Variants in TCF20 observed in about 807,000 individuals in gnomAD.
TCF20 encodes the protein SPRE-binding protein.
Under a neutral mutation model 148.6 loss-of-function variants are expected in TCF20, and 3 were observed. The observed-to-expected ratio is 0.02, with a 90% CI of 0.01 to 0.05. The LOEUF (loss-of-function observed/expected upper bound fraction) is 0.05. Among genes scored for constraint, TCF20 ranks in the 10% least tolerant of loss-of-function variants. The pLI is 1.00. For missense variants in TCF20, 2,350 were observed against 2,429.3 expected, an observed-to-expected ratio of 0.97 and a Z score of 0.69; for synonymous variants, 1,049 against 909.5, an observed-to-expected ratio of 1.15 and a Z score of -2.76.
rs1438118510 is a variant in TCF20, at chr22:42,160,109, C to G, written c.*1294G>C. 6.6e-6 allele frequency: 1 copy of G among 151,666 alleles called. No homozygotes were observed. Among genetic ancestry groups the G allele is most frequent in the East Asian group, 1.9e-4 (1 of 5,170 alleles). The allele number at this position is 151,666 out of a possible 1,614,324, so 9.4% of individuals were successfully genotyped here. On this transcript the variant is annotated 3_prime_UTR_variant, in exon 6 of 6. Transcript: ENST00000677622. The stretch of plus-strand genomic sequence containing the variant: ...CTGTTTGTGAAACAGCTATTTTATC[C>G]CCATGGCAGAGTGACCCCTGAAAGA...
rs774351728 is a variant in TCF20, at chr22:42,209,675, T to C, written c.5631A>G (p.Glu1877=). The change falls in exon 2 of 6, where the codon GAA becomes GAG. Residue 1877 remains glutamate (E), a synonymous_variant. Transcript: ENST00000677622. ...LVCGRLYGLQ[E]ALEIAREMKC... is the part of the protein sequence containing the mutation. ...CCATCTCTCTGGCTATTTCCAGCGC[T>C]TCCTGCAGGCCATAGAGCCTGCCAC... 31 of 1,611,242 alleles carry C rather than the reference T, an allele frequency of 1.9e-5. No individual in the cohort carries two copies. Among genetic ancestry groups the C allele is most frequent in the Non-Finnish European group, 2.5e-5 (30 of 1,178,820 alleles).
intron 1 of TCF20, among the ~76,000 whole-genome samples, chr22:42,298,408 C>T (rs1927273355): frequency 6.6e-6 from 1 of 152,188 alleles, no homozygotes; most frequent in Admixed American, 6.5e-5. Flanking sequence ...AGAAGTTATT[C>T]TAGGGAGACA....
chr22:42,214,760 C>G lies in TCF20; in HGVS notation c.546G>C (p.Gln182His), dbSNP rs1921520122. 6.2e-7 allele frequency: 1 copy of G among 1,613,824 alleles called. No individual in the cohort carries two copies. Among genetic ancestry groups the G allele is most frequent in the African/African-American group, 1.3e-5 (1 of 74,856 alleles). Residue 182 changes from glutamine to histidine, a missense_variant, in exon 2 of 6, where the codon CAG becomes CAC. Gln to His is a conservative substitution (Grantham distance 24). Coordinates refer to ENST00000677622, the MANE Select transcript of TCF20 (RefSeq NM_001378418.1). Reference sequence around the variant, plus strand: ...GGGACTGGTAAAGCTGTTGTCTCAACTGCTGGACTTGCTGCTGCTGCTGCT... The same window carrying G: ...GGGACTGGTAAAGCTGTTGTCTCAAGTGCTGGACTTGCTGCTGCTGCTGCT... ...SSQQQQQQVQ[Q>H]LRQQLYQSHQ...
chr22:42,224,788 C>T (rs945230709), intron 1 of TCF20, among the ~76,000 whole-genome samples: 2 of 151,954 alleles, frequency 1.3e-5, no homozygotes, highest in African/African-American at 2.4e-5. Flanking sequence ...TAGAAAATTA[C>T]ATAGTATCAG....
At chr22:42,277,074 T>A (rs1325492875) in intron 1 of TCF20, 1 of 152,220 alleles carries the variant, frequency 6.6e-6, no homozygotes, top group Admixed American at 6.5e-5. Context: ...CTCCAAACCT[T>A]CTCTCCCAGG....
chr22:42,283,350 C>T (rs1056980603), intron 1 of TCF20, among the ~76,000 whole-genome samples: 7 of 152,236 alleles, frequency 4.6e-5, no homozygotes, highest in Non-Finnish European at 4.4e-5. Flanking sequence ...CCCTCACACC[C>T]GGGCTGGCTG....
chr22:42,304,186 A>G (rs1601700010), intron 1 of TCF20, among the ~76,000 whole-genome samples: 1 of 151,936 alleles, frequency 6.6e-6, no homozygotes, highest in Middle Eastern at 3.2e-3. Context: ...TCTACTTAAT[A>G]CCCCATTAAG....
rs1001300141 is a variant in TCF20, at chr22:42,299,102, G to A, written c.-37+44377C>T. 6.6e-6 allele frequency among the ~76,000 whole-genome samples: 1 copy of A among 152,220 alleles called. No individual in the cohort carries two copies. The highest frequency in any genetic ancestry group is 1.5e-5 in the Non-Finnish European group (1 of 68,034). On this transcript the variant is annotated intron_variant, in intron 1 of 1. Transcript: ENST00000515426. This position sits in a 1 kb window ranked among gnomAD's most constrained non-coding sequence, Gnocchi z 4.1. ...CGCCTGCCCAGACCCCTGCTGTGGAGGGGAACGGAGACCTGGAGGGGTACC... is the reference window on the plus strand; with the variant it reads ...CGCCTGCCCAGACCCCTGCTGTGGAAGGGAACGGAGACCTGGAGGGGTACC...
intron 3 of TCF20, among the ~76,000 whole-genome samples, chr22:42,171,929 G>A (rs189473998): frequency 1.3e-3 from 197 of 152,308 alleles, no homozygotes; most frequent in Non-Finnish European, 6.0e-4. Flanking sequence ...GTTCCCTCAC[G>A]GCCACAGAAC....
At chr22:42,253,438 T>C (rs2147354750) in intron 1 of TCF20, among the ~76,000 whole-genome samples, 1 of 152,278 alleles carries the variant, frequency 6.6e-6, no homozygotes, top group Non-Finnish European at 1.5e-5. Flanking sequence ...TGTTGAAAAA[T>C]ATTTATTAAA....
rs1182648103 is a variant in TCF20 at position 42,282,755 on chromosome 22, C to T, written c.-37+1072G>A. ...TTGGGAGAGCTGCCCAGGCCTCCTC[C>T]GGGGTGAGCTGAGGAGGGGCTGCCA... is the stretch of plus-strand genomic sequence containing the variant. On this transcript the variant is annotated intron_variant, in intron 1 of 5. Transcript: ENST00000359486. Among the ~76,000 whole-genome samples the T allele has an allele frequency of 3.9e-5, 6 of 152,130 alleles. No homozygotes were observed. The South Asian group carries it at 1.0e-3, about 26-fold the overall frequency.
chr22:42,322,553 C>T lies in TCF20; in HGVS notation c.-37+20926G>A, dbSNP rs933809624. On this transcript the variant is annotated intron_variant, in intron 1 of 1. Transcript: ENST00000515426. ...AAGGTTGGGCAGAGGAGAGGAAGGA[C>T]GTTCGTTCATTCACTGGCTCAGCAT... Among the ~76,000 whole-genome samples, 13 of 151,980 alleles carry T rather than the reference C, an allele frequency of 8.6e-5. 1 individual carries two copies. The East Asian group carries it at 2.3e-3, about 27-fold the overall frequency.
upstream of TCF20, among the ~76,000 whole-genome samples, chr22:42,270,805 C>T (rs890394222): frequency 5.4e-5 from 8 of 147,018 alleles, no homozygotes; most frequent in Non-Finnish European, 9.0e-5. Flanking sequence ...CGTGCGGCGG[C>T]GTCGAGGCTG....
upstream of TCF20, among the ~76,000 whole-genome samples, chr22:42,287,885 G>GA (rs1927060352): frequency 6.6e-6 from 1 of 151,852 alleles, no homozygotes; most frequent in Non-Finnish European, 1.5e-5. Flanking sequence ...GAAAAGAAAA[G>GA]AAAAAAAAGT....
chr22:42,167,685 C>T (rs574627856), intron 5 of TCF20, among the ~76,000 whole-genome samples: 23 of 152,158 alleles, frequency 1.5e-4, no homozygotes, highest in African/African-American at 5.3e-4. Flanking sequence ...CACAATAATC[C>T]CACACAAACT....
intron 1 of TCF20, among the ~76,000 whole-genome samples, chr22:42,259,446 T>C (rs181036034): frequency 2.0e-5 from 3 of 152,344 alleles, no homozygotes; most frequent in African/African-American, 7.2e-5. Context: ...GCTGGAATTA[T>C]GATATACATG....
intron 1 of TCF20, among the ~76,000 whole-genome samples, chr22:42,259,179 G>C (rs1223652247): frequency 2.6e-5 from 4 of 152,168 alleles, no homozygotes; most frequent in African/African-American, 9.6e-5. Context: ...TGCTATTTAA[G>C]AGCCACCATG....
intron 1 of TCF20, among the ~76,000 whole-genome samples, chr22:42,331,451 T>C (rs989467341): frequency 2.0e-5 from 3 of 152,220 alleles, no homozygotes; most frequent in African/African-American, 4.8e-5. Flanking sequence ...CAAAGCCACA[T>C]AGCCTTGTGG....
intron 3 of TCF20, among the ~76,000 whole-genome samples, chr22:42,172,059 C>G (rs1029499604): frequency 5.9e-5 from 9 of 152,242 alleles, no homozygotes; most frequent in African/African-American, 1.9e-4. Flanking sequence ...CAACTTGAAA[C>G]TAATGCCAGA....
Sources: gnomAD v4.1 joint callset for allele counts (sites outside exome capture counted in the v4.1 genomes callset) on GRCh38, gnomAD v4.1.1 for gene constraint, Gnocchi (gnomAD v3.1) non-coding constraint, MANE v1.5 for transcripts, NCBI Gene and HGNC (gene_info 2026-07-23, HGNC 2026-07-21) for gene names.